Variants in GLMN observed in about 807,000 individuals in gnomAD.
The protein encoded by GLMN is glomulin.
A neutral mutation model predicts 87.8 loss-of-function variants in GLMN; 75 were observed. The observed-to-expected ratio is 0.85, with a 90% CI of 0.71 to 1.04. The LOEUF is 1.04. GLMN is among the 50% of genes least tolerant of loss of function. The probability of loss-of-function intolerance (pLI) is 0.00; values close to 1 mark genes in which losing one functional copy is unlikely to be tolerated. For synonymous variants in GLMN, 206 were observed against 221.6 expected (o/e 0.93, Z 0.63); for missense variants, 588 against 658.8 (o/e 0.89, Z 1.18).
chr1:92,352,137 C>G, the GLMN span, among the ~76,000 whole-genome samples: 666 of 152,274 alleles, frequency 4.4e-3, 4 homozygotes, highest in South Asian at 0.015. Flanking sequence ...AAAATGTCTG[C>G]TTTCATTTTA....
chr1:92,340,187 A>G, the GLMN span, among the ~76,000 whole-genome samples: 1 of 152,316 alleles, frequency 6.6e-6, no homozygotes, highest in Non-Finnish European at 1.5e-5. Context: ...CTCCTTAGTA[A>G]CTGTAAGTCA....
the GLMN span, among the ~76,000 whole-genome samples, chr1:92,322,932 ATACTT>A: frequency 6.8e-6 from 1 of 147,654 alleles, no homozygotes. Flanking sequence ...AACTACATAT[ATACTT>A]TATATATTAT....
chr1:92,311,206 C>T, the GLMN span, among the ~76,000 whole-genome samples: 2 of 152,292 alleles, frequency 1.3e-5, no homozygotes, highest in Admixed American at 1.3e-4. Context: ...CTTCTCAACA[C>T]TAAGTCTCAG....
chr1:92,271,373 T>C (rs1010911852), intron 8 of GLMN, 92 bp downstream of exon 8: 2 of 877,032 alleles, frequency 2.3e-6, no homozygotes, highest in African/African-American at 3.3e-5. Context: ...AATGTATTAG[T>C]GTGTTAATAT....
the GLMN span, among the ~76,000 whole-genome samples, chr1:92,368,873 G>T: frequency 6.6e-6 from 1 of 152,132 alleles, no homozygotes; most frequent in Non-Finnish European, 1.5e-5. Context: ...TGCTTTTGTT[G>T]TTACGCCACT....
the GLMN span, chr1:92,336,576 C>T: frequency 5.1e-6 from 3 of 591,698 alleles, no homozygotes; most frequent in South Asian, 6.9e-5. Flanking sequence ...CACTAAACAA[C>T]ATTATTTCTC....
chr1:92,328,588 C>T, the GLMN span, among the ~76,000 whole-genome samples: 6 of 152,146 alleles, frequency 3.9e-5, no homozygotes, highest in African/African-American at 1.2e-4. Flanking sequence ...TGGGCCTCAC[C>T]TTTCTCTGGT....
intron 14 of GLMN, 120 bp downstream of exon 14, chr1:92,264,434 T>C: frequency 1.6e-6 from 1 of 630,000 alleles, no homozygotes; most frequent in Non-Finnish European, 2.8e-6. Context: ...TATGCCTTAA[T>C]AATATTTAAG....
upstream of GLMN, among the ~76,000 whole-genome samples, chr1:92,302,582 C>T (rs555348899): frequency 1.4e-5 from 2 of 141,378 alleles, no homozygotes; most frequent in South Asian, 2.3e-4. Context: ...AATTAAATTC[C>T]GCATTAAATT....
chr1:92,316,663 A>T, the GLMN span, among the ~76,000 whole-genome samples: 1 of 152,226 alleles, frequency 6.6e-6, no homozygotes, highest in East Asian at 1.9e-4. Flanking sequence ...AGCTTTCACA[A>T]CTATCTTCAG....
At chr1:92,258,834 C>G (rs1321233908) in intron 16 of GLMN, among the ~76,000 whole-genome samples, 1 of 151,960 alleles carries the variant, frequency 6.6e-6, no homozygotes, top group African/African-American at 2.4e-5. Context: ...ACCACCATGG[C>G]ACGTGTATAC....
intron 16 of GLMN, among the ~76,000 whole-genome samples, chr1:92,261,578 G>A (rs1655048076): frequency 6.6e-6 from 1 of 152,134 alleles, no homozygotes; most frequent in Non-Finnish European, 1.5e-5. Context: ...AGGGGTATGA[G>A]GAACCTCTTG....
chr1:92,256,291 C>G (rs1367731888), intron 16 of GLMN, among the ~76,000 whole-genome samples: 1 of 151,918 alleles, frequency 6.6e-6, no homozygotes, highest in Admixed American at 6.6e-5. Flanking sequence ...AGCCCAGGAC[C>G]AGACAGATTC....
rs1652916751 is a variant in GLMN at position 92,247,979 on chromosome 1, C to A, written c.1484G>T (p.Trp495Leu). The A allele has an allele frequency of 1.6e-6, 2 of 1,217,770 alleles. No individual in the cohort carries two copies. The highest frequency in any genetic ancestry group is 1.2e-6 in the Non-Finnish European group (1 of 820,366). 75.4% of individuals were successfully genotyped at this position (1,217,770 alleles called of 1,614,324 possible). A position where few individuals can be genotyped will look rare whatever the true frequency, so the allele number is the denominator to read the frequency against. Residue 495 changes from tryptophan to leucine, a missense_variant, in exon 17 of 19, where the codon TGG (tryptophan) becomes TTG (leucine). Physicochemically the swap from Trp to Leu is moderately conservative, Grantham distance 61. Transcript: ENST00000370360. ...ATTCTCAATATTTCCAAGTTCTGTCCATAATCCAGTCTGTTAAGAATGAAA... is the reference window on the plus strand; with the variant it reads ...ATTCTCAATATTTCCAAGTTCTGTCAATAATCCAGTCTGTTAAGAATGAAA... ...DNENDNQTGL[W>L]TELGNIENNF...
Position 92,246,453 on chromosome 1 carries a change from AT to A in GLMN, c.*76del. On this transcript the variant is annotated 3_prime_UTR_variant, in exon 19 of 19. Transcript: ENST00000370360. ...TCAAGCAGTAAATTTTTACAGAAAA[AT>A]TTTTTATAAAGGTATTAAATGAATC... 1 of 713,734 alleles carries A rather than the reference AT, an allele frequency of 1.4e-6. No homozygotes were observed. The highest frequency in any genetic ancestry group is 2.7e-5 in the East Asian group (1 of 36,626). 44.2% of individuals were successfully genotyped at this position (713,734 alleles called of 1,614,324 possible).
chr1:92,263,952 G>GA (rs1363036514), intron 14 of GLMN, among the ~76,000 whole-genome samples: 6 of 152,286 alleles, frequency 3.9e-5, no homozygotes, highest in South Asian at 2.1e-4. Context: ...TGAGCACTCA[G>GA]AAACAGAAGA....
chr1:92,296,185 C>G (rs1309988905), intron 3 of GLMN, among the ~76,000 whole-genome samples: 1 of 152,108 alleles, frequency 6.6e-6, no homozygotes, highest in East Asian at 1.9e-4. Context: ...CATGATTACA[C>G]TGTGATATCA....
chr1:92,333,211 AGTT>A, the GLMN span: 1 of 550,762 alleles, frequency 1.8e-6, no homozygotes, highest in Non-Finnish European at 3.2e-6. Flanking sequence ...GACTCAAAGA[AGTT>A]CACAACAGCC....
At chr1:92,351,706 G>C in the GLMN span, among the ~76,000 whole-genome samples, 1 of 152,132 alleles carries the variant, frequency 6.6e-6, no homozygotes, top group East Asian at 1.9e-4. Context: ...GACCAAAACT[G>C]GCAGCCAAAG....
Sources: gnomAD v4.1 joint callset for allele counts (sites outside exome capture counted in the v4.1 genomes callset) on GRCh38, gnomAD v4.1.1 for gene constraint, MANE v1.5 for transcripts, NCBI Gene and HGNC (gene_info 2026-07-23, HGNC 2026-07-21) for gene names.